CACNB2: variants seen among roughly 807,000 people sequenced by gnomAD.
The protein encoded by CACNB2 is calcium voltage-gated channel auxiliary subunit beta 2, also known as voltage-dependent L-type calcium channel subunit beta-2.
CACNB2 carries 42 observed loss-of-function variants against 73.3 expected under a neutral mutation model. The ratio of observed to expected loss-of-function variants is 0.57; its 90% confidence interval spans 0.45 to 0.74. The LOEUF (loss-of-function observed/expected upper bound fraction) is 0.74, where lower values mean the gene tolerates loss of function less well. CACNB2 is among the 30% of genes least tolerant of loss of function. CACNB2 has a pLI of 0.00. For missense variants in CACNB2, 940 were observed against 853.0 expected, an observed-to-expected ratio of 1.10 and a Z score of -1.27; for synonymous variants, 348 against 310.3, an observed-to-expected ratio of 1.12 and a Z score of -1.28.
chr10:18,224,963 T>C (rs1341825557), intron 2 of CACNB2, among the ~76,000 whole-genome samples: 1 of 152,222 alleles, frequency 6.6e-6, no homozygotes, highest in Non-Finnish European at 1.5e-5. Context: ...GAGCCTAGTG[T>C]GGACACCAAG....
At chr10:18,163,525 C>A in intron 2 of CACNB2, among the ~76,000 whole-genome samples, 1 of 152,088 alleles carries the variant, frequency 6.6e-6, no homozygotes, top group East Asian at 1.9e-4. Flanking sequence ...TTTGGCAATA[C>A]CTTGGAAGAG....
intron 3 of CACNB2, among the ~76,000 whole-genome samples, chr10:18,403,496 C>A (rs181898156): frequency 2.0e-5 from 3 of 152,038 alleles, no homozygotes; most frequent in Non-Finnish European, 4.4e-5. Context: ...TTTCACATAC[C>A]AAAATTGAAC....
chr10:18,195,013 T>C (rs2034564071), intron 2 of CACNB2, among the ~76,000 whole-genome samples: 1 of 152,220 alleles, frequency 6.6e-6, no homozygotes. Context: ...ATGTGTATGG[T>C]CTCAAATTTT....
chr10:18,374,154 G>A (rs1236127329), intron 2 of CACNB2, among the ~76,000 whole-genome samples: 1 of 152,196 alleles, frequency 6.6e-6, no homozygotes, highest in Non-Finnish European at 1.5e-5. Flanking sequence ...AGCCTGCAGA[G>A]ATGATTCACA....
At chr10:18,227,705 C>T (rs1396582778) in intron 2 of CACNB2, among the ~76,000 whole-genome samples, 2 of 152,132 alleles carry the variant, frequency 1.3e-5, no homozygotes, top group African/African-American at 2.4e-5. Context: ...AGGGAGTATG[C>T]GCTCCAGCAA....
At chr10:18,360,765 A>C (rs16917197) in intron 2 of CACNB2, among the ~76,000 whole-genome samples, 1 of 152,078 alleles carries the variant, frequency 6.6e-6, no homozygotes, top group Non-Finnish European at 1.5e-5. Flanking sequence ...ATTCCCCTGC[A>C]TCTGGGGTGT....
At chr10:18,396,605 G>C (rs1388198902) in intron 2 of CACNB2, among the ~76,000 whole-genome samples, 1 of 152,034 alleles carries the variant, frequency 6.6e-6, no homozygotes, top group Non-Finnish European at 1.5e-5. Flanking sequence ...CGAGTAGCTG[G>C]GATTATATGC....
chr10:18,468,062 C>G (rs2047992598), intron 3 of CACNB2, among the ~76,000 whole-genome samples: 1 of 152,088 alleles, frequency 6.6e-6, no homozygotes, highest in African/African-American at 2.4e-5. Context: ...AATTAGTAAA[C>G]AGCATACCTT....
At chr10:18,339,477 C>T (rs901354955) in intron 2 of CACNB2, among the ~76,000 whole-genome samples, 10 of 152,080 alleles carry the variant, frequency 6.6e-5, no homozygotes, top group South Asian at 6.2e-4. Flanking sequence ...GCCGAGATCG[C>T]GCCACTGCAC....
At chr10:18,400,518 T>C (rs1318692759) in intron 2 of CACNB2, 2 of 940,594 alleles carry the variant, frequency 2.1e-6, no homozygotes, top group East Asian at 2.1e-4. Flanking sequence ...AGGCGACATA[T>C]GGAGCATGCC....
chr10:18,404,102 C>T (rs2044155165), intron 3 of CACNB2, among the ~76,000 whole-genome samples: 2 of 152,044 alleles, frequency 1.3e-5, no homozygotes, highest in Non-Finnish European at 1.5e-5. Context: ...CATAAATATA[C>T]ACATCTATGT....
rs550236369 is a variant in CACNB2 at position 18,156,559 on chromosome 10, C to T, written c.213+5584C>T. 2.3e-4 allele frequency among the ~76,000 whole-genome samples: 35 copies of T among 152,206 alleles called. No individual in the cohort carries two copies. The East Asian group carries it at 3.9e-3, about 17-fold the overall frequency. On this transcript the variant is annotated intron_variant, in intron 2 of 13. Coordinates refer to ENST00000324631, the MANE Select transcript of CACNB2 (RefSeq NM_201596.3). Reference sequence around the variant, plus strand: ...CTGTCCATAGGGGTCATTGGCTGTGCGTGGCAGATGTTAGTGGGATTTCCC... The same window carrying T: ...CTGTCCATAGGGGTCATTGGCTGTGTGTGGCAGATGTTAGTGGGATTTCCC...
chr10:18,172,673 C>T (rs567602062), intron 2 of CACNB2, among the ~76,000 whole-genome samples: 1 of 152,158 alleles, frequency 6.6e-6, no homozygotes. Context: ...GTGTCATCAG[C>T]CTTCACTGCG....
rs1193868022 is a variant in CACNB2 at position 18,152,727 on chromosome 10, AAAAAAC to A, written c.213+1758_213+1763del. 9.5e-3 allele frequency among the ~76,000 whole-genome samples: 1,105 copies of A among 116,786 alleles called. 18 individuals are homozygous for A. In the East Asian group the frequency reaches 0.11, roughly 11 times the overall value. The allele number at this position is 116,786 out of a possible 152,430, so 76.6% of individuals were successfully genotyped here. A position where few individuals can be genotyped will look rare whatever the true frequency, so the allele number is the denominator to read the frequency against. ...AACAGACCAAAAAAAAAAAAAAAAAAAAAAACAAAAAACAAAACACTAGCTCCTTAG... is the reference window on the plus strand; with the variant it reads ...AACAGACCAAAAAAAAAAAAAAAAAAAAAAAACAAAACACTAGCTCCTTAG... On this transcript the variant is annotated intron_variant, in intron 2 of 13. Transcript: ENST00000324631.
At chr10:18,150,856 T>C (rs1370656943) in intron 1 of CACNB2, 27 bp from the exon 2 acceptor site, 1 of 219,784 alleles carries the variant, frequency 4.5e-6, no homozygotes, top group Non-Finnish European at 7.7e-6. Context: ...CTTATTTGTC[T>C]TTTTTTTTTT....
chr10:18,472,070 C>G (rs1435755521), intron 3 of CACNB2, among the ~76,000 whole-genome samples: 1 of 152,106 alleles, frequency 6.6e-6, no homozygotes, highest in Admixed American at 6.6e-5. Flanking sequence ...TCCTATCCAT[C>G]TGCTCTTTGA....
chr10:18,487,177 A>G lies in CACNB2; in HGVS notation c.334-11178A>G, dbSNP rs141849959. Among the ~76,000 whole-genome samples the G allele has an allele frequency of 4.2e-3, 634 of 152,288 alleles. 6 individuals carry two copies. The highest frequency in any genetic ancestry group is 0.015 in the African/African-American group (610 of 41,554). On this transcript the variant is annotated intron_variant, in intron 3 of 13. Coordinates refer to ENST00000324631, the MANE Select transcript of CACNB2 (RefSeq NM_201596.3). ...ATGGGGTCTCAACCTGGCCAGCACCATGTTGTCTGTTCCTCACTGTACTTG... is the reference window on the plus strand; with the variant it reads ...ATGGGGTCTCAACCTGGCCAGCACCGTGTTGTCTGTTCCTCACTGTACTTG...
chr10:18,319,618 A>G (rs1036416410), intron 2 of CACNB2, among the ~76,000 whole-genome samples: 1 of 152,164 alleles, frequency 6.6e-6, no homozygotes, highest in Non-Finnish European at 1.5e-5. Context: ...ATTTTAAAAA[A>G]TAATATAAAT....
At chr10:18,523,437 GGTTTTA>G (rs1385440869) in intron 9 of CACNB2, among the ~76,000 whole-genome samples, 2 of 152,094 alleles carry the variant, frequency 1.3e-5, no homozygotes, top group African/African-American at 4.8e-5. Context: ...CACCCAGATT[GGTTTTA>G]TTTAAGAAAC....
Sources: allele counts gnomAD v4.1 joint callset (sites outside exome capture counted in the v4.1 genomes callset), GRCh38; gene constraint gnomAD v4.1.1; transcripts MANE v1.5; gene names NCBI Gene and HGNC (gene_info 2026-07-23, HGNC 2026-07-21).